RNF19A: variants seen among roughly 807,000 people sequenced by gnomAD.
RNF19A encodes the protein ring finger protein 19A, RBR E3 ubiquitin protein ligase.
In RNF19A, 32 loss-of-function variants were observed where a neutral mutation model predicts 75.7. The observed-to-expected ratio is 0.42, with a 90% CI of 0.32 to 0.57. The LOEUF is 0.57. Ranked by LOEUF, RNF19A falls within the 20% of genes least tolerant of loss-of-function variation. RNF19A has a pLI of 0.10. For missense variants in RNF19A, 782 were observed against 1,036.3 expected (o/e 0.75, Z 3.37); for synonymous variants, 335 against 345.2 (o/e 0.97, Z 0.33).
rs1819680730 is a variant in RNF19A, at chr8:100,260,897, G to GT, written c.1682+644dup. Among the ~76,000 whole-genome samples the GT allele has an allele frequency of 6.6e-6, 1 of 152,132 alleles. No individual in the cohort carries two copies. Among genetic ancestry groups the GT allele is most frequent in the South Asian group, 2.1e-4 (1 of 4,818 alleles). Reference sequence around the variant, plus strand: ...ATTCCTGGATGTCCTGACTCCACCTGTTTCCCAGGACTCAGCCAAAGTCCC... The same window carrying GT: ...ATTCCTGGATGTCCTGACTCCACCTGTTTTCCCAGGACTCAGCCAAAGTCCC... On this transcript the variant is annotated intron_variant, in intron 8 of 9. Coordinates refer to ENST00000341084, the MANE Select transcript of RNF19A (RefSeq NM_183419.4). This position sits in a 1 kb window ranked among gnomAD's most constrained non-coding sequence, Gnocchi z 4.1.
intron 1 of RNF19A, among the ~76,000 whole-genome samples, chr8:100,301,912 G>A (rs2130157320): frequency 6.6e-6 from 1 of 152,302 alleles, no homozygotes; most frequent in South Asian, 2.1e-4. Context: ...AGGTAAAGGA[G>A]GTGTTAGCTA....
intron 1 of RNF19A, among the ~76,000 whole-genome samples, chr8:100,307,324 C>T (rs1362000315): frequency 6.6e-6 from 1 of 152,094 alleles, no homozygotes; most frequent in Admixed American, 6.5e-5. Context: ...TTACTCTGCG[C>T]CCAGCACTTG....
intron 1 of RNF19A, chr8:100,303,335 G>C (rs145243277): frequency 6.6e-6 from 1 of 152,292 alleles, no homozygotes; most frequent in South Asian, 2.1e-4. Flanking sequence ...TTTTCTGCGC[G>C]TCGTCTTCTC....
In RNF19A at chr8:100,309,232, C is replaced by A. The variant is rs28651515; in HGVS notation, c.-94+635G>T. 0.015 allele frequency: 11,771 copies of A among 789,206 alleles called. 1,121 individuals are homozygous for A. In the African/African-American group the frequency reaches 0.2, roughly 13 times the overall value. The allele number at this position is 789,206 out of a possible 1,614,324, so 48.9% of individuals were successfully genotyped here. A position where few individuals can be genotyped will look rare whatever the true frequency, so the allele number is the denominator to read the frequency against. ...CGTTAACACATACTTCACCCCAAGG[C>A]TACACCATTTTGGTGTGATGTGTAA... On this transcript the variant is annotated intron_variant, in intron 1 of 9. Transcript: ENST00000341084.
chr8:100,329,313 C>G lies in RNF19A; in HGVS notation c.-243+6795G>C, dbSNP rs985444358. 1.3e-5 allele frequency among the ~76,000 whole-genome samples: 2 copies of G among 151,878 alleles called. No homozygotes were observed. Among genetic ancestry groups the G allele is most frequent in the Non-Finnish European group, 2.9e-5 (2 of 67,982 alleles). ...TTCTATTCTTTTGGATCAAAAAATG[C>G]CACCTACATAGTTACAAAAGGCCTG... On this transcript the variant is annotated intron_variant, in intron 1 of 3. Coordinates refer to the RNF19A transcript ENST00000519527. This position sits in a 1 kb window ranked among gnomAD's most constrained non-coding sequence, Gnocchi z 4.3.
chr8:100,328,745 C>T (rs1235688510), intron 1 of RNF19A, among the ~76,000 whole-genome samples: 2 of 152,332 alleles, frequency 1.3e-5, no homozygotes, highest in Admixed American at 1.3e-4. Flanking sequence ...GCTGGCATTA[C>T]AGGCGTGAGA....
intron 2 of RNF19A, among the ~76,000 whole-genome samples, chr8:100,276,657 AG>A (rs2129736064): frequency 6.7e-6 from 1 of 148,460 alleles, no homozygotes. Flanking sequence ...TGGGTGGCTG[AG>A]GCAGAACTGC....
In RNF19A at chr8:100,333,925, C is replaced by T. The variant is rs890495026; in HGVS notation, c.-243+2183G>A. Among the ~76,000 whole-genome samples the T allele has an allele frequency of 4.6e-5, 7 of 152,176 alleles. No homozygotes were observed. The highest frequency in any genetic ancestry group is 8.8e-5 in the Non-Finnish European group (6 of 68,036). ...ATGTTTAAATTATTCAGTCTAGTACCCCGATATTCTAACTTTGGCCCCACT... is the reference window on the plus strand; with the variant it reads ...ATGTTTAAATTATTCAGTCTAGTACTCCGATATTCTAACTTTGGCCCCACT... On this transcript the variant is annotated intron_variant, in intron 1 of 3. Coordinates refer to the RNF19A transcript ENST00000519527. This position sits in a 1 kb window ranked among gnomAD's most constrained non-coding sequence, Gnocchi z 4.7.
At chr8:100,281,697 C>A (rs1820789179) in intron 2 of RNF19A, among the ~76,000 whole-genome samples, 2 of 152,092 alleles carry the variant, frequency 1.3e-5, no homozygotes, top group African/African-American at 4.8e-5. Context: ...ATCTGTAAGT[C>A]CAAAATAATT....
At chr8:100,301,367 A>ACCAAATTACCAAATTACT (rs1821819103) in intron 1 of RNF19A, among the ~76,000 whole-genome samples, 1 of 152,184 alleles carries the variant, frequency 6.6e-6, no homozygotes, top group South Asian at 2.1e-4. Context: ...TTACCACATT[A>ACCAAATTACCAAATTACT]TCCTCTTTGT....
At position 100,309,933 on chromosome 8, in the gene RNF19A, G is replaced by C. The variant is rs907030937; in HGVS notation, c.-160C>G. On this transcript the variant is annotated 5_prime_UTR_variant, in exon 1 of 10. Coordinates refer to ENST00000341084, the MANE Select transcript of RNF19A (RefSeq NM_183419.4). The stretch of plus-strand genomic sequence containing the variant: ...AGTAGGCCCATCTCCCAGCAGCGGC[G>C]ACAGCAGCCTGAGGAAGCGCGGGGG... 9.1e-6 allele frequency: 9 copies of C among 985,854 alleles called. No homozygotes were observed. The South Asian group carries it at 3.8e-4, about 41-fold the overall frequency. The allele number at this position is 985,854 out of a possible 1,614,324, so 61.1% of individuals were successfully genotyped here.
intron 1 of RNF19A, among the ~76,000 whole-genome samples, chr8:100,308,764 T>C (rs1038427602): frequency 2.6e-5 from 4 of 152,212 alleles, no homozygotes; most frequent in South Asian, 2.1e-4. Context: ...TTTAAGCCTC[T>C]ACTGTTTACT....
chr8:100,303,785 AT>A (rs1331469936), intron 1 of RNF19A, among the ~76,000 whole-genome samples: 131 of 144,374 alleles, frequency 9.1e-4, no homozygotes, highest in African/African-American at 3.3e-3. Flanking sequence ...AAAAAAAAAA[AT>A]GATTAGCTGG....
At chr8:100,321,900 T>G (rs191209078) in intron 1 of RNF19A, among the ~76,000 whole-genome samples, 1 of 152,224 alleles carries the variant, frequency 6.6e-6, no homozygotes, top group Non-Finnish European at 1.5e-5. Flanking sequence ...GCTTAAAATA[T>G]TCAGTAAACC....
intron 5 of RNF19A, among the ~76,000 whole-genome samples, chr8:100,267,144 A>G (rs1820021605): frequency 6.6e-6 from 1 of 152,192 alleles, no homozygotes; most frequent in Non-Finnish European, 1.5e-5. Flanking sequence ...CCCATGACTG[A>G]GTTCCCAAAT....
Position 100,259,707 on chromosome 8 carries a change from A to G in RNF19A, c.1826+147T>C, listed in dbSNP as rs913456863. Reference sequence around the variant, plus strand: ...CAAATCCACTTTATGATCTATACAGATTTGCCTACTCTGGACAGCTCACTG... The same window carrying G: ...CAAATCCACTTTATGATCTATACAGGTTTGCCTACTCTGGACAGCTCACTG... On this transcript the variant is annotated intron_variant, in intron 9 of 9. Transcript: ENST00000341084. The surrounding 1 kb of genome is among the most constrained non-coding windows in gnomAD (Gnocchi z 4.5). 1 of 685,212 alleles carries G rather than the reference A, an allele frequency of 1.5e-6. No homozygotes were observed. The highest frequency in any genetic ancestry group is 1.8e-5 in the African/African-American group (1 of 55,216). 42.4% of individuals were successfully genotyped at this position (685,212 alleles called of 1,614,324 possible).
intron 2 of RNF19A, among the ~76,000 whole-genome samples, chr8:100,282,360 T>C (rs1820819574): frequency 6.6e-6 from 1 of 152,232 alleles, no homozygotes; most frequent in African/African-American, 2.4e-5. Context: ...TTTATTACAC[T>C]GTCAGAAGAC....
intron 1 of RNF19A, among the ~76,000 whole-genome samples, chr8:100,297,358 A>G (rs1037640080): frequency 6.6e-5 from 10 of 152,208 alleles, no homozygotes; most frequent in African/African-American, 2.4e-4. Context: ...CCTTTTGTTC[A>G]GAAAGGACCT....
chr8:100,274,909 G>A, intron 3 of RNF19A, 44 bp downstream of exon 3: 1 of 1,482,362 alleles, frequency 6.7e-7, no homozygotes, highest in Non-Finnish European at 9.3e-7. Flanking sequence ...AATAACTAGT[G>A]TTTTGTGTCA....
Sources: gnomAD v4.1 joint callset for allele counts (sites outside exome capture counted in the v4.1 genomes callset) on GRCh38, gnomAD v4.1.1 for gene constraint, Gnocchi (gnomAD v3.1) non-coding constraint, MANE v1.5 for transcripts, NCBI Gene and HGNC (gene_info 2026-07-23, HGNC 2026-07-21) for gene names.